Variants in VRTN observed in about 807,000 individuals in gnomAD.
VRTN encodes the protein vertebrae development associated.
A neutral mutation model predicts 18.2 loss-of-function variants in VRTN; 5 were observed. The ratio of observed to expected loss-of-function variants is 0.27; its 90% CI spans 0.14 to 0.58. The LOEUF (loss-of-function observed/expected upper bound fraction) is 0.58, where lower values mean the gene tolerates loss of function less well. Among genes scored for constraint, VRTN ranks in the 20% least tolerant of loss-of-function variants. The pLI is 0.91. For synonymous variants in VRTN, 381 were observed against 393.7 expected (o/e 0.97, Z 0.38); for missense variants, 741 against 939.4 (o/e 0.79, Z 2.76).
intron 1 of VRTN, among the ~76,000 whole-genome samples, chr14:74,327,252 A>G (rs1038772024): frequency 1.3e-5 from 2 of 152,150 alleles, no homozygotes; most frequent in South Asian, 4.1e-4. Context: ...GCTCACCCCA[A>G]GCCTCCTCGG....
chr14:74,340,179 C>T (rs1474522964), intron 2 of VRTN, among the ~76,000 whole-genome samples: 1 of 147,322 alleles, frequency 6.8e-6, no homozygotes, highest in Non-Finnish European at 1.5e-5. Context: ...AGGGCACGAT[C>T]TCAGCTCACC....
At chr14:74,321,145 C>CA (rs2085453630) in intron 1 of VRTN, among the ~76,000 whole-genome samples, 1 of 151,884 alleles carries the variant, frequency 6.6e-6, no homozygotes, top group Non-Finnish European at 1.5e-5. Context: ...CAAATGGGGA[C>CA]AAGTAATGTG....
chr14:74,329,155 A>G (rs113159552), intron 1 of VRTN, among the ~76,000 whole-genome samples: 5,153 of 152,038 alleles, frequency 0.034, 157 homozygotes, highest in African/African-American at 0.076. Flanking sequence ...CATGCCTGTA[A>G]TCCCAGCTAC....
At chr14:74,326,672 G>A (rs1308746395) in intron 1 of VRTN, among the ~76,000 whole-genome samples, 1 of 152,028 alleles carries the variant, frequency 6.6e-6, no homozygotes, top group Non-Finnish European at 1.5e-5. Flanking sequence ...AAGGCGCCCT[G>A]AGTCTGGGGC....
intron 1 of VRTN, among the ~76,000 whole-genome samples, chr14:74,356,042 G>T (rs1381898779): frequency 2.0e-5 from 3 of 152,036 alleles, no homozygotes; most frequent in Non-Finnish European, 2.9e-5. Flanking sequence ...ATGTTGCTCA[G>T]GCTGGTCTTG....
chr14:74,357,398 C>T lies in VRTN; in HGVS notation c.615C>T (p.Val205=), dbSNP rs2085737193. ...AGATCCGGCCCTACTTCAACCGTGT[C>T]ATCCGGCCCCGCCGCTGCGACCACG... ...NLKIRPYFNR[V]IRPRRCDHVP... The change falls in exon 2 of 2, where the codon GTC becomes GTT. Residue 205 remains valine (V), a synonymous_variant. Transcript: ENST00000256362. This position sits in a 1 kb window ranked among gnomAD's most constrained non-coding sequence, Gnocchi z 7.8. 2 of 1,613,200 alleles carry T rather than the reference C, an allele frequency of 1.2e-6. No individual in the cohort carries two copies. Among genetic ancestry groups the T allele is most frequent in the African/African-American group, 1.3e-5 (1 of 74,948 alleles).
intron 1 of VRTN, among the ~76,000 whole-genome samples, chr14:74,324,749 G>C (rs967281720): frequency 9.5e-5 from 2 of 20,976 alleles, no homozygotes; most frequent in Non-Finnish European, 1.7e-4. Flanking sequence ...TTAGCCGAGC[G>C]TGGTGGCGCA....
chr14:74,330,505 G>C (rs945237098), intron 1 of VRTN, among the ~76,000 whole-genome samples: 1 of 149,370 alleles, frequency 6.7e-6, no homozygotes, highest in African/African-American at 2.5e-5. Flanking sequence ...GCAATGGTGC[G>C]ATCTTGGCTC....
intron 1 of VRTN, among the ~76,000 whole-genome samples, chr14:74,350,744 C>T (rs1254610134): frequency 6.6e-6 from 1 of 152,106 alleles, no homozygotes; most frequent in African/African-American, 2.4e-5. Context: ...GACTAGGGAT[C>T]CTGTAGATAG....
At chr14:74,355,141 CAAAAAAAA>C (rs34077833) in intron 1 of VRTN, among the ~76,000 whole-genome samples, 126 of 108,564 alleles carry the variant, frequency 1.2e-3, no homozygotes, top group Non-Finnish European at 2.0e-3. Flanking sequence ...GACTCAGTCT[CAAAAAAAA>C]AAAAAAAAAA....
At chr14:74,353,644 TAAG>T (rs1202654089) in intron 1 of VRTN, among the ~76,000 whole-genome samples, 1 of 152,094 alleles carries the variant, frequency 6.6e-6, no homozygotes, top group Non-Finnish European at 1.5e-5. Context: ...AAATTAAAAA[TAAG>T]AAATAAATTT....
intron 1 of VRTN, among the ~76,000 whole-genome samples, chr14:74,304,210 G>A (rs1028570957): frequency 6.6e-6 from 1 of 151,688 alleles, no homozygotes. Context: ...AGGCTGGAGT[G>A]CAATGGTGCT....
chr14:74,339,933 G>T (rs559500957), intron 2 of VRTN, among the ~76,000 whole-genome samples: 2 of 152,112 alleles, frequency 1.3e-5, no homozygotes, highest in Non-Finnish European at 2.9e-5. Flanking sequence ...TAGAATGAAT[G>T]AGAAGCCTTT....
At chr14:74,316,839 G>A (rs2085421916) in intron 1 of VRTN, among the ~76,000 whole-genome samples, 1 of 151,754 alleles carries the variant, frequency 6.6e-6, no homozygotes, top group African/African-American at 2.4e-5. Flanking sequence ...GGGTTTCACT[G>A]TGTTAGCCAG....
intron 1 of VRTN, among the ~76,000 whole-genome samples, chr14:74,314,136 T>C (rs1302348948): frequency 6.6e-6 from 1 of 152,132 alleles, no homozygotes; most frequent in Non-Finnish European, 1.5e-5. Context: ...CTTTCTCTTT[T>C]AATTTTTTTT....
Position 74,307,931 on chromosome 14 carries a change from T to C in VRTN, c.-164+4755T>C, listed in dbSNP as rs546581290. ...TTTTAGTAGAGACAGGGTTTCACCATATTGGCCAGGCTGGTCTCGAACTCC... is the reference window on the plus strand; with the variant it reads ...TTTTAGTAGAGACAGGGTTTCACCACATTGGCCAGGCTGGTCTCGAACTCC... On this transcript the variant is annotated intron_variant, in intron 1 of 2. Coordinates refer to the VRTN transcript ENST00000557177. Among the ~76,000 whole-genome samples, 276 of 152,202 alleles carry C rather than the reference T, an allele frequency of 1.8e-3. 1 individual carries two copies. Among genetic ancestry groups the C allele is most frequent in the African/African-American group, 6.2e-3 (257 of 41,526 alleles).
chr14:74,354,178 C>A (rs1054482339), intron 1 of VRTN, among the ~76,000 whole-genome samples: 2 of 152,128 alleles, frequency 1.3e-5, no homozygotes, highest in African/African-American at 4.8e-5. Context: ...TCATATCTTT[C>A]TATATTCAAT....
Position 74,353,204 on chromosome 14 carries a change from G to A in VRTN, c.-1-3579G>A, listed in dbSNP as rs185942836. On this transcript the variant is annotated intron_variant, in intron 1 of 1. Coordinates refer to ENST00000256362, the MANE Select transcript of VRTN (RefSeq NM_018228.3). ...CTCTGGAGGTTGAGGCAGGAGAATC[G>A]CTTGAACCCTGGGGGCGGAGGTTGT... Among the ~76,000 whole-genome samples, 372 of 152,236 alleles carry A rather than the reference G, an allele frequency of 2.4e-3. 2 individuals carry two copies. Among genetic ancestry groups the A allele is most frequent in the Non-Finnish European group, 4.3e-3 (290 of 68,018 alleles).
At chr14:74,332,440 C>T (rs71429048) in intron 1 of VRTN, among the ~76,000 whole-genome samples, 39,456 of 144,774 alleles carry the variant, frequency 0.27, 5,901 homozygotes, top group Middle Eastern at 0.58. Flanking sequence ...CTGCAACTTC[C>T]GCCTCCCGGG....
Sources: gnomAD v4.1 joint callset for allele counts (sites outside exome capture counted in the v4.1 genomes callset) on GRCh38, gnomAD v4.1.1 for gene constraint, Gnocchi (gnomAD v3.1) non-coding constraint, MANE v1.5 for transcripts, NCBI Gene and HGNC (gene_info 2026-07-23, HGNC 2026-07-21) for gene names.